Variants in TMEM117 observed in about 807,000 individuals in gnomAD.
TMEM117 encodes the protein transmembrane protein 117.
In TMEM117, 27 loss-of-function variants were observed where a neutral mutation model predicts 52.4. That is an observed-to-expected ratio of 0.51 (90% CI 0.38 to 0.71). TMEM117 has a LOEUF of 0.71. Ranked by LOEUF, TMEM117 falls within the 30% of genes least tolerant of loss-of-function variation. The pLI is 0.00. For missense variants in TMEM117, 556 were observed against 630.5 expected (o/e 0.88, Z 1.26); for synonymous variants, 215 against 206.3 (o/e 1.04, Z -0.36).
At chr12:44,139,052 C>T (rs1336937900) in intron 3 of TMEM117, among the ~76,000 whole-genome samples, 1 of 152,130 alleles carries the variant, frequency 6.6e-6, no homozygotes, top group African/African-American at 2.4e-5. Flanking sequence ...AAGTCAACTC[C>T]TCGCCCATGA....
intron 1 of TMEM117, 105 bp from the exon 2 acceptor site, chr12:43,844,519 T>C: frequency 9.3e-7 from 1 of 1,080,958 alleles, no homozygotes; most frequent in South Asian, 1.6e-5. Context: ...GGTATCATCT[T>C]TTCCAAATAC....
intron 3 of TMEM117, among the ~76,000 whole-genome samples, chr12:44,025,846 C>G (rs1946524405): frequency 6.6e-6 from 1 of 152,148 alleles, no homozygotes. Context: ...TACACAGCTA[C>G]AATTCTTGAC....
chr12:44,060,756 T>C (rs919552487), intron 3 of TMEM117, among the ~76,000 whole-genome samples: 5 of 152,068 alleles, frequency 3.3e-5, no homozygotes, highest in Admixed American at 2.0e-4. Flanking sequence ...GCCACAAAAT[T>C]GGTGAGTTTT....
At position 44,066,002 on chromosome 12, in the gene TMEM117, G is replaced by T. The variant is rs142696658; in HGVS notation, c.411-77523G>T. Among the ~76,000 whole-genome samples, 52 of 152,326 alleles carry T rather than the reference G, an allele frequency of 3.4e-4. No individual in the cohort carries two copies. In the East Asian group the frequency reaches 9.8e-3, roughly 29 times the overall value. ...TCAGGCAGACTCCTGAACCAGAGTA[G>T]TCTCAGAGACTAGTGCAGCAGTGGT... is the stretch of plus-strand genomic sequence containing the variant. On this transcript the variant is annotated intron_variant, in intron 3 of 7. Transcript: ENST00000266534.
At chr12:43,979,864 A>T (rs1376802210) in intron 3 of TMEM117, among the ~76,000 whole-genome samples, 1 of 152,146 alleles carries the variant, frequency 6.6e-6, no homozygotes, top group Non-Finnish European at 1.5e-5. Context: ...GAGCTATGTC[A>T]GGGGTAGGGG....
chr12:43,940,105 C>A (rs980164429), intron 2 of TMEM117, among the ~76,000 whole-genome samples: 2 of 152,130 alleles, frequency 1.3e-5, no homozygotes, highest in Admixed American at 1.3e-4. Context: ...TCAACATGAC[C>A]CTTGATACCT....
chr12:44,135,946 G>A (rs1320010716), intron 3 of TMEM117, among the ~76,000 whole-genome samples: 2 of 152,086 alleles, frequency 1.3e-5, no homozygotes, highest in African/African-American at 4.8e-5. Flanking sequence ...TGCAAAACTT[G>A]TAAGTTATTT....
At chr12:44,353,127 A>T (rs542509049) in intron 6 of TMEM117, among the ~76,000 whole-genome samples, 2 of 152,046 alleles carry the variant, frequency 1.3e-5, no homozygotes, top group South Asian at 2.1e-4. Context: ...TCCTTTGCCC[A>T]CTTTTTGATG....
chr12:44,208,273 C>T (rs138507877), intron 4 of TMEM117, among the ~76,000 whole-genome samples: 9 of 152,054 alleles, frequency 5.9e-5, no homozygotes, highest in Middle Eastern at 3.4e-3. Flanking sequence ...AGCCATGATG[C>T]GGTGAGTGCC....
chr12:44,028,415 C>T (rs1029797200), intron 3 of TMEM117, among the ~76,000 whole-genome samples: 1 of 152,160 alleles, frequency 6.6e-6, no homozygotes, highest in Admixed American at 6.5e-5. Flanking sequence ...GGGCTGCATT[C>T]CCAGATGGTT....
At chr12:43,915,989 G>A (rs564262372) in intron 2 of TMEM117, among the ~76,000 whole-genome samples, 2 of 152,000 alleles carry the variant, frequency 1.3e-5, no homozygotes, top group Non-Finnish European at 2.9e-5. Context: ...GACTGCTGTG[G>A]CCATTATGGT....
Sources: allele counts gnomAD v4.1 joint callset (sites outside exome capture counted in the v4.1 genomes callset), GRCh38; gene constraint gnomAD v4.1.1; transcripts MANE v1.5; gene names NCBI Gene and HGNC (gene_info 2026-07-23, HGNC 2026-07-21).